Variants in PPP1R21 observed in about 807,000 individuals in gnomAD.
PPP1R21 encodes the protein KLRAQ motif containing 1.
PPP1R21 carries 85 observed loss-of-function variants against 112.8 expected under a neutral mutation model. That is an observed-to-expected ratio of 0.75 (90% CI 0.63 to 0.90). PPP1R21 has a LOEUF of 0.90. Among genes scored for constraint, PPP1R21 ranks in the 40% least tolerant of loss-of-function variants. The probability of loss-of-function intolerance (pLI) is 0.00; values close to 1 mark genes in which losing one functional copy is unlikely to be tolerated. For synonymous variants in PPP1R21, 381 were observed against 322.3 expected, an observed-to-expected ratio of 1.18 and a Z score of -1.95; for missense variants, 1,199 against 901.5, an observed-to-expected ratio of 1.33 and a Z score of -4.23.
At chr2:48,509,132 T>A (rs1670518890) in intron 19 of PPP1R21, among the ~76,000 whole-genome samples, 1 of 152,192 alleles carries the variant, frequency 6.6e-6, no homozygotes, top group South Asian at 2.1e-4. Context: ...CTACACACTC[T>A]CTGGATAGAG....
In PPP1R21 at chr2:48,498,606, T is replaced by G; in HGVS notation, c.1806T>G (p.Asp602Glu). Residue 602 changes from aspartate (D) to glutamate (E), a missense_variant, in exon 17 of 22, where the codon GAT becomes GAG. Physicochemically the swap from Asp to Glu is conservative, Grantham distance 45. Transcript: ENST00000294952. ...KLEKENQRIADKLKNTGSAQL... is the reference protein window; with the variant it reads ...KLEKENQRIAEKLKNTGSAQL... ...AGAAAGAAAACCAGCGAATTGCAGA[T>G]AAGCTGAAGAATACAGGTAGTGCCC... 6.2e-7 allele frequency: 1 copy of G among 1,614,236 alleles called. No individual in the cohort carries two copies. Among genetic ancestry groups the G allele is most frequent in the Non-Finnish European group, 8.5e-7 (1 of 1,180,038 alleles).
At chr2:48,476,822 C>G (rs1276530614) in intron 12 of PPP1R21, among the ~76,000 whole-genome samples, 1 of 152,020 alleles carries the variant, frequency 6.6e-6, no homozygotes, top group Non-Finnish European at 1.5e-5. Context: ...TATAAGAGTT[C>G]TTTATGTATT....
At chr2:48,450,748 T>A (rs1667434944) in intron 1 of PPP1R21, among the ~76,000 whole-genome samples, 1 of 152,110 alleles carries the variant, frequency 6.6e-6, no homozygotes, top group Non-Finnish European at 1.5e-5. Context: ...ATCAGGAGAC[T>A]GGATTTTAGT....
In PPP1R21 at chr2:48,469,488, C is replaced by CATATATAT. The variant is rs70943340; in HGVS notation, c.898-1589_898-1582dup. ...ATAGAGCATATATATATATATAGAG[C>CATATATAT]ATATATATATATATATAGAGCATAT... On this transcript the variant is annotated intron_variant, in intron 9 of 21. Coordinates refer to ENST00000294952, the MANE Select transcript of PPP1R21 (RefSeq NM_001135629.3). Among the ~76,000 whole-genome samples the CATATATAT allele has an allele frequency of 1.3e-3, 59 of 44,764 alleles. 9 individuals are homozygous for CATATATAT. The highest frequency in any genetic ancestry group is 4.2e-3 in the African/African-American group (58 of 13,776). The allele number at this position is 44,764 out of a possible 152,430, so 29.4% of individuals were successfully genotyped here.
chr2:48,495,206 T>C (rs1669773166), intron 15 of PPP1R21, among the ~76,000 whole-genome samples: 1 of 150,304 alleles, frequency 6.7e-6, no homozygotes, highest in Admixed American at 6.6e-5. Context: ...ATTGTTTTTC[T>C]TTTTTTTTTC....
intron 15 of PPP1R21, among the ~76,000 whole-genome samples, chr2:48,491,520 T>G (rs949721346): frequency 1.4e-5 from 2 of 138,490 alleles, no homozygotes; most frequent in African/African-American, 2.7e-5. Flanking sequence ...TTTTTCTGAA[T>G]AAGAATATGC....
intron 17 of PPP1R21, among the ~76,000 whole-genome samples, chr2:48,500,659 C>T (rs1670068651): frequency 6.6e-6 from 1 of 152,072 alleles, no homozygotes; most frequent in African/African-American, 2.4e-5. Flanking sequence ...GCCTGTAATC[C>T]TAGCACTTTG....
chr2:48,486,333 T>G (rs1194805488), intron 13 of PPP1R21, among the ~76,000 whole-genome samples: 1 of 152,194 alleles, frequency 6.6e-6, no homozygotes, highest in Non-Finnish European at 1.5e-5. Context: ...ATAGTGGTTT[T>G]TAACTGGTAA....
intron 13 of PPP1R21, among the ~76,000 whole-genome samples, chr2:48,484,834 G>C (rs962060598): frequency 1.3e-5 from 2 of 152,168 alleles, no homozygotes; most frequent in African/African-American, 2.4e-5. Flanking sequence ...CATTTTGATT[G>C]TGAGAATGAC....
At chr2:48,497,461 C>T (rs990332386) in intron 16 of PPP1R21, among the ~76,000 whole-genome samples, 3 of 152,100 alleles carry the variant, frequency 2.0e-5, no homozygotes, top group African/African-American at 4.8e-5. Context: ...TGCCTTCTAG[C>T]ACTATAGATT....
intron 3 of PPP1R21, among the ~76,000 whole-genome samples, chr2:48,457,095 G>T (rs893742170): frequency 4.6e-5 from 7 of 151,938 alleles, no homozygotes; most frequent in African/African-American, 4.8e-5. Flanking sequence ...AAAGACCCTT[G>T]GGGAGAGAAT....
intron 11 of PPP1R21, among the ~76,000 whole-genome samples, chr2:48,474,453 A>G (rs1233901850): frequency 1.3e-5 from 2 of 152,232 alleles, no homozygotes; most frequent in African/African-American, 2.4e-5. Flanking sequence ...AAGATAATGG[A>G]CATATGCCTT....
chr2:48,469,866 A>C (rs1668426263), intron 9 of PPP1R21, among the ~76,000 whole-genome samples: 1 of 152,116 alleles, frequency 6.6e-6, no homozygotes, highest in African/African-American at 2.4e-5. Flanking sequence ...TGGAGTGTTT[A>C]AACTTGTTCA....
intron 9 of PPP1R21, among the ~76,000 whole-genome samples, chr2:48,466,972 T>G (rs1668234612): frequency 6.6e-6 from 1 of 152,176 alleles, no homozygotes; most frequent in Non-Finnish European, 1.5e-5. Context: ...AGCTTTTTGA[T>G]CGGGGGTGAC....
Position 48,469,473 on chromosome 2 carries a change from TATATATATATAGAGC to T in PPP1R21, c.898-1602_898-1588del, listed in dbSNP as rs1485245716. ...AGAGCATATATATATATAGAGCATA[TATATATATATAGAGC>T]ATATATATATATATATAGAGCATAT... On this transcript the variant is annotated intron_variant, in intron 9 of 21. Coordinates refer to ENST00000294952, the MANE Select transcript of PPP1R21 (RefSeq NM_001135629.3). Among the ~76,000 whole-genome samples the T allele has an allele frequency of 1.2e-3, 99 of 81,678 alleles. 9 individuals are homozygous for T. Among genetic ancestry groups the T allele is most frequent in the African/African-American group, 1.6e-3 (36 of 22,084 alleles). The allele number at this position is 81,678 out of a possible 152,430, so 53.6% of individuals were successfully genotyped here.
At chr2:48,442,877 G>C (rs1044157579) in intron 1 of PPP1R21, among the ~76,000 whole-genome samples, 2 of 152,142 alleles carry the variant, frequency 1.3e-5, no homozygotes, top group Non-Finnish European at 2.9e-5. Flanking sequence ...TTTACCTTTT[G>C]AGTAATGGAG....
At chr2:48,455,959 G>A (rs536877857) in intron 3 of PPP1R21, among the ~76,000 whole-genome samples, 24 of 148,756 alleles carry the variant, frequency 1.6e-4, no homozygotes, top group Non-Finnish European at 2.7e-4. Flanking sequence ...AGTTTGCAGC[G>A]AGCCGAGATC....
At chr2:48,500,451 A>G (rs1015091297) in intron 17 of PPP1R21, among the ~76,000 whole-genome samples, 3 of 152,104 alleles carry the variant, frequency 2.0e-5, no homozygotes, top group Non-Finnish European at 4.4e-5. Flanking sequence ...TATAGAAGAG[A>G]AAAAAGAATC....
chr2:48,467,829 T>G (rs775531172), intron 9 of PPP1R21, among the ~76,000 whole-genome samples: 1 of 152,220 alleles, frequency 6.6e-6, no homozygotes, highest in Non-Finnish European at 1.5e-5. Flanking sequence ...GAAGCCATCT[T>G]AGAAGCTGAC....
Sources: allele counts gnomAD v4.1 joint callset (sites outside exome capture counted in the v4.1 genomes callset), GRCh38; gene constraint gnomAD v4.1.1; transcripts MANE v1.5; gene names NCBI Gene and HGNC (gene_info 2026-07-23, HGNC 2026-07-21).